Variants in SERPINF1 observed in about 807,000 individuals in gnomAD.
SERPINF1 encodes the protein serpin family F member 1.
SERPINF1 carries 29 observed loss-of-function variants against 37.3 expected under a neutral mutation model. That is an observed-to-expected ratio of 0.78 (90% CI 0.58 to 1.06). The LOEUF is 1.06. Ranked by LOEUF, SERPINF1 falls within the 50% of genes least tolerant of loss-of-function variation. SERPINF1 has a pLI of 0.00. For missense variants in SERPINF1, 553 were observed against 532.2 expected, an observed-to-expected ratio of 1.04 and a Z score of -0.38; for synonymous variants, 281 against 227.9, an observed-to-expected ratio of 1.23 and a Z score of -2.10.
chr17:1,766,729 G>A (rs900216936), intron 1 of SERPINF1, 174 bp from the exon 2 acceptor site: 3 of 618,774 alleles, frequency 4.8e-6, no homozygotes, highest in African/African-American at 1.8e-5. Context: ...GGGCCATCAA[G>A]CTGAGGGTCC....
At chr17:1,767,861 C>A (rs73976284) in intron 2 of SERPINF1, among the ~76,000 whole-genome samples, 3,880 of 152,280 alleles carry the variant, frequency 0.025, 160 homozygotes, top group African/African-American at 0.089. Context: ...TCATTTATTT[C>A]TCATCTACCA....
chr17:1,772,079 A>C lies in SERPINF1; in HGVS notation c.643+4A>C, dbSNP rs1347676166. The C allele has an allele frequency of 6.2e-7, 1 of 1,612,128 alleles. No homozygotes were observed. Among genetic ancestry groups the C allele is most frequent in the African/African-American group, 1.3e-5 (1 of 74,578 alleles). On this transcript the variant is annotated splice_donor_region_variant and intron_variant, in intron 5 of 7. Coordinates refer to ENST00000254722, the MANE Select transcript of SERPINF1 (RefSeq NM_002615.7). ...CTCGGTGTGGCGCACTTCAAGGGTG[A>C]GCGCGTCTCCAATTCTTTTTCATTT...
chr17:1,770,105 C>T, intron 3 of SERPINF1, 55 bp downstream of exon 3: 1 of 1,590,464 alleles, frequency 6.3e-7, no homozygotes, highest in Non-Finnish European at 8.6e-7. Flanking sequence ...CCCCTGTGGC[C>T]TCTGCGTAAA....
chr17:1,776,797 T>C (rs182921598), intron 7 of SERPINF1, 55 bp downstream of exon 7: 325 of 1,538,280 alleles, frequency 2.1e-4, no homozygotes, highest in Admixed American at 3.4e-4. Flanking sequence ...GGCAGGGTCT[T>C]TGGGCCTTCC....
In SERPINF1 at chr17:1,774,429, C is replaced by T. The variant is rs538298904; in HGVS notation, c.644-629C>T. Among the ~76,000 whole-genome samples, 3 of 152,320 alleles carry T rather than the reference C, an allele frequency of 2.0e-5. No homozygotes were observed. The South Asian group carries it at 6.2e-4, about 32-fold the overall frequency. ...CAGGCTGTTCTCGAAAACTCCTGACCTCAGATGATCCATCCGCCTTGGCCT... is the reference window on the plus strand; with the variant it reads ...CAGGCTGTTCTCGAAAACTCCTGACTTCAGATGATCCATCCGCCTTGGCCT... On this transcript the variant is annotated intron_variant, in intron 5 of 7. Transcript: ENST00000254722.
At chr17:1,776,952 C>A (rs1908072712) in intron 7 of SERPINF1, among the ~76,000 whole-genome samples, 1 of 151,502 alleles carries the variant, frequency 6.6e-6, no homozygotes, top group South Asian at 2.1e-4. Flanking sequence ...ACCTCCCTGA[C>A]AGGCGCTCAC....
In SERPINF1 at chr17:1,772,057, G is replaced by T. The variant is rs780544035; in HGVS notation, c.625G>T (p.Gly209Cys). 3.7e-6 allele frequency: 6 copies of T among 1,613,546 alleles called. No individual in the cohort carries two copies. The highest frequency in any genetic ancestry group is 1.1e-5 in the South Asian group (1 of 91,046). ...IPDEISILLLGVAHFKGQWVT... is the reference protein window; with the variant it reads ...IPDEISILLLCVAHFKGQWVT... ...CGATGAGATCAGCATTCTCCTTCTC[G>T]GTGTGGCGCACTTCAAGGGTGAGCG... The change falls in exon 5 of 8, where the codon GGT becomes TGT. Residue 209 changes from glycine to cysteine, a missense_variant. Transcript: ENST00000254722.
intron 2 of SERPINF1, 30 bp from the exon 3 acceptor site, chr17:1,769,815 CCTGAACT>C: frequency 1.2e-6 from 2 of 1,611,234 alleles, no homozygotes; most frequent in South Asian, 2.2e-5. Context: ...TCTGCGAGTC[CCTGAACT>C]CAAACCCAAG....
At chr17:1,766,046 G>A (rs1907347676) in intron 1 of SERPINF1, among the ~76,000 whole-genome samples, 1 of 152,146 alleles carries the variant, frequency 6.6e-6, no homozygotes, top group Non-Finnish European at 1.5e-5. Context: ...GACAGCACGT[G>A]CCGGACTGGG....
intron 5 of SERPINF1, among the ~76,000 whole-genome samples, chr17:1,772,624 T>C (rs1244469174): frequency 1.3e-5 from 2 of 150,652 alleles, no homozygotes; most frequent in African/African-American, 4.9e-5. Flanking sequence ...AGTGGCGCGA[T>C]CTCGGCTCAC....
chr17:1,763,408 T>C (rs1428047822), intron 1 of SERPINF1, among the ~76,000 whole-genome samples: 1 of 151,978 alleles, frequency 6.6e-6, no homozygotes, highest in East Asian at 1.9e-4. Context: ...GCAGGGAGGG[T>C]ATCTACCTCT....
chr17:1,771,776 T>G, intron 4 of SERPINF1, 96 bp from the exon 5 acceptor site: 2 of 1,215,976 alleles, frequency 1.6e-6, no homozygotes, highest in Non-Finnish European at 2.4e-6. Flanking sequence ...CAGGGCCTGC[T>G]GAGCGCTAAA....
At chr17:1,769,488 G>A (rs1907585451) in intron 2 of SERPINF1, among the ~76,000 whole-genome samples, 1 of 152,142 alleles carries the variant, frequency 6.6e-6, no homozygotes, top group East Asian at 1.9e-4. Flanking sequence ...GCCAGGCGCA[G>A]TGGCGCATGC....
chr17:1,776,236 C>G (rs945529196), intron 6 of SERPINF1, among the ~76,000 whole-genome samples: 2 of 152,124 alleles, frequency 1.3e-5, no homozygotes, highest in Non-Finnish European at 2.9e-5. Flanking sequence ...AAAATAAAGA[C>G]CTGAAATTCA....
intron 2 of SERPINF1, 61 bp downstream of exon 2, chr17:1,767,055 C>T (rs973398821): frequency 3.5e-5 from 50 of 1,447,704 alleles, no homozygotes; most frequent in Middle Eastern, 4.5e-4. Context: ...GCAGGCAGCA[C>T]GGGAAACAGG....
intron 2 of SERPINF1, among the ~76,000 whole-genome samples, chr17:1,767,370 G>C (rs550222524): frequency 1.3e-5 from 2 of 152,128 alleles, no homozygotes; most frequent in Non-Finnish European, 2.9e-5. Context: ...TCGAACTCCC[G>C]ACCTCAAGTG....
chr17:1,770,849 C>A, intron 3 of SERPINF1, 180 bp from the exon 4 acceptor site: 1 of 739,522 alleles, frequency 1.4e-6, no homozygotes, highest in Non-Finnish European at 2.3e-6. Flanking sequence ...ATGCCTTTAA[C>A]CTACTTCAGG....
intron 2 of SERPINF1, among the ~76,000 whole-genome samples, chr17:1,769,323 G>C (rs909715414): frequency 2.6e-5 from 4 of 151,896 alleles, no homozygotes; most frequent in Non-Finnish European, 5.9e-5. Context: ...GCAGGAGAAT[G>C]GCGTGAACCC....
intron 1 of SERPINF1, chr17:1,766,393 T>G (rs547496380): frequency 3.9e-4 from 59 of 151,838 alleles, no homozygotes; most frequent in African/African-American, 1.3e-3. Flanking sequence ...CCATCGCTAT[T>G]AAAATACAAA....
Sources: allele counts gnomAD v4.1 joint callset (sites outside exome capture counted in the v4.1 genomes callset), GRCh38; gene constraint gnomAD v4.1.1; transcripts MANE v1.5; gene names NCBI Gene and HGNC (gene_info 2026-07-23, HGNC 2026-07-21).